The following PLD5 variants were observed in gnomAD, a reference collection of about 807,000 sequenced individuals.
PLD5 encodes phospholipase D family member 5, also known as inactive phospholipase D5.
A neutral mutation model predicts 61.1 loss-of-function variants in PLD5; 36 were observed. The ratio of observed to expected loss-of-function variants is 0.59; its 90% CI spans 0.45 to 0.78. The LOEUF (loss-of-function observed/expected upper bound fraction) is 0.78, where lower values mean the gene tolerates loss of function less well. Ranked by LOEUF, PLD5 falls within the 30% of genes least tolerant of loss-of-function variation. The probability of loss-of-function intolerance (pLI) is 0.00; values close to 1 mark genes in which losing one functional copy is unlikely to be tolerated. For synonymous variants in PLD5, 243 were observed against 242.8 expected, an observed-to-expected ratio of 1.00 and a Z score of -0.01; for missense variants, 515 against 644.4, an observed-to-expected ratio of 0.80 and a Z score of 2.17.
At chr1:242,221,677 C>T (rs990167627) in intron 4 of PLD5, among the ~76,000 whole-genome samples, 2 of 152,134 alleles carry the variant, frequency 1.3e-5, no homozygotes, top group Non-Finnish European at 2.9e-5. Flanking sequence ...TGCCTCCAGC[C>T]ATCCTGGAAT....
chr1:242,132,367 A>G (rs562664374), intron 5 of PLD5, among the ~76,000 whole-genome samples: 6 of 152,284 alleles, frequency 3.9e-5, no homozygotes, highest in South Asian at 2.1e-4. Context: ...GCTGTAATTC[A>G]GAATAATTAA....
rs143646286 is a variant in PLD5 at position 242,187,078 on chromosome 1, G to A, written c.735+32910C>T. Among the ~76,000 whole-genome samples the A allele has an allele frequency of 5.9e-5, 9 of 152,288 alleles. No homozygotes were observed. In the East Asian group the frequency reaches 1.7e-3, roughly 29 times the overall value. On this transcript the variant is annotated intron_variant, in intron 5 of 9. Transcript: ENST00000536534. ...CCACTATGGCAAACTCTGCCTATTG[G>A]TTGATCCAGCATCTGGCCACAACCC...
At chr1:242,132,190 T>TTCG (rs1663317112) in intron 5 of PLD5, among the ~76,000 whole-genome samples, 2 of 9,720 alleles carry the variant, frequency 2.1e-4, no homozygotes, top group African/African-American at 9.4e-4. Flanking sequence ...ATGCAGTGAT[T>TTCG]GCGGGGGGGG....
intron 1 of PLD5, chr1:242,449,466 G>A (rs949826935): frequency 7.5e-5 from 115 of 1,533,512 alleles, no homozygotes; most frequent in Non-Finnish European, 8.8e-5. Flanking sequence ...TGTTTCATGT[G>A]GCACAAACGT....
At chr1:242,420,516 T>C (rs917902337) in intron 1 of PLD5, among the ~76,000 whole-genome samples, 1 of 152,198 alleles carries the variant, frequency 6.6e-6, no homozygotes, top group African/African-American at 2.4e-5. Context: ...TAGTTAAGTT[T>C]ACTTCTGAAC....
chr1:242,118,999 G>A (rs560676000), intron 6 of PLD5, among the ~76,000 whole-genome samples: 19 of 152,188 alleles, frequency 1.2e-4, no homozygotes, highest in South Asian at 2.1e-4. Context: ...TTAATTTTCC[G>A]AGCCTTGTGC....
At chr1:242,236,176 C>T (rs537015488) in intron 4 of PLD5, among the ~76,000 whole-genome samples, 2 of 152,294 alleles carry the variant, frequency 1.3e-5, no homozygotes, top group South Asian at 4.1e-4. Flanking sequence ...TGGGTCTTCA[C>T]CAGACATGGA....
At chr1:242,390,871 T>C (rs922980435) in intron 1 of PLD5, among the ~76,000 whole-genome samples, 1 of 136,230 alleles carries the variant, frequency 7.3e-6, no homozygotes, top group African/African-American at 2.8e-5. Context: ...AAGCAAAGGA[T>C]GAAATTCAAG....
chr1:242,100,936 T>A (rs1398674387), intron 8 of PLD5, among the ~76,000 whole-genome samples, 154 bp from the exon 9 acceptor site: 1 of 152,206 alleles, frequency 6.6e-6, no homozygotes, highest in African/African-American at 2.4e-5. Flanking sequence ...ATGAAGCTAT[T>A]TTTGTTCTCA....
chr1:242,231,472 A>G (rs376267854), intron 4 of PLD5, among the ~76,000 whole-genome samples: 75 of 152,352 alleles, frequency 4.9e-4, no homozygotes, highest in African/African-American at 1.8e-3. Flanking sequence ...TTGCTGTCCA[A>G]TAATGCCAGA....
At chr1:242,218,205 A>G (rs1225921875) in intron 5 of PLD5, among the ~76,000 whole-genome samples, 1 of 152,298 alleles carries the variant, frequency 6.6e-6, no homozygotes. Context: ...AAAACCCTCC[A>G]CCAGCAAAAA....
intron 5 of PLD5, among the ~76,000 whole-genome samples, chr1:242,143,435 G>A (rs560694406): frequency 6.6e-6 from 1 of 152,258 alleles, no homozygotes; most frequent in South Asian, 2.1e-4. Flanking sequence ...TAGTTTGATT[G>A]GTGAATGACT....
At chr1:242,355,274 T>C (rs534160940) in intron 1 of PLD5, among the ~76,000 whole-genome samples, 1 of 152,286 alleles carries the variant, frequency 6.6e-6, no homozygotes, top group East Asian at 1.9e-4. Context: ...TGAGAGACTT[T>C]TCATTACTGG....
At chr1:242,285,590 G>A (rs1388479436) in intron 3 of PLD5, among the ~76,000 whole-genome samples, 1 of 151,730 alleles carries the variant, frequency 6.6e-6, no homozygotes, top group Non-Finnish European at 1.5e-5. Flanking sequence ...TGGAAGAAGA[G>A]TAGGAAATTT....
intron 6 of PLD5, among the ~76,000 whole-genome samples, chr1:242,118,029 C>T (rs1662086394): frequency 6.6e-6 from 1 of 152,020 alleles, no homozygotes. Context: ...TTTTCCAAAA[C>T]CAGATTTTGG....
intron 1 of PLD5, among the ~76,000 whole-genome samples, chr1:242,420,956 C>T (rs542589965): frequency 1.3e-5 from 2 of 152,146 alleles, no homozygotes; most frequent in East Asian, 1.9e-4. Flanking sequence ...CCGAGCCAGG[C>T]GGATCACGAG....
the PLD5 span, among the ~76,000 whole-genome samples, chr1:242,529,971 C>T: frequency 2.6e-5 from 4 of 152,160 alleles, no homozygotes; most frequent in Non-Finnish European, 5.9e-5. Context: ...TGGGTTCAGG[C>T]GATTCTCCTG....
chr1:242,100,411 G>C (rs1286405748), intron 9 of PLD5, among the ~76,000 whole-genome samples: 3 of 152,172 alleles, frequency 2.0e-5, no homozygotes, highest in Admixed American at 2.0e-4. Flanking sequence ...GAGGCAAATG[G>C]ACCAGAAAAT....
At chr1:242,213,833 C>T (rs34530033) in intron 5 of PLD5, among the ~76,000 whole-genome samples, 47,866 of 150,158 alleles carry the variant, frequency 0.32, 7,723 homozygotes, top group South Asian at 0.43. Flanking sequence ...GGACAGATGA[C>T]CCCCCAGCAC....
Sources: gnomAD v4.1 joint callset for allele counts (sites outside exome capture counted in the v4.1 genomes callset) on GRCh38, gnomAD v4.1.1 for gene constraint, MANE v1.5 for transcripts, NCBI Gene and HGNC (gene_info 2026-07-23, HGNC 2026-07-21) for gene names.